SRBD1: variants seen among roughly 807,000 people sequenced by gnomAD.
SRBD1 encodes S1 RNA binding domain 1.
A neutral mutation model predicts 115.3 loss-of-function variants in SRBD1; 88 were observed. The ratio of observed to expected loss-of-function variants is 0.76; its 90% CI spans 0.64 to 0.91. SRBD1 has a LOEUF of 0.91. SRBD1 is among the 40% of genes least tolerant of loss of function. The pLI is 0.00. For synonymous variants in SRBD1, 509 were observed against 407.7 expected (o/e 1.25, Z -2.99); for missense variants, 1,385 against 1,177.4 (o/e 1.18, Z -2.58).
At chr2:45,569,955 T>C (rs1672958098) in intron 9 of SRBD1, among the ~76,000 whole-genome samples, 2 of 152,236 alleles carry the variant, frequency 1.3e-5, no homozygotes, top group South Asian at 2.1e-4. Flanking sequence ...TGTACACATA[T>C]ACCTTTCTTC....
chr2:45,573,381 T>C (rs1028391392), intron 8 of SRBD1, 39 bp from the exon 9 acceptor site: 1 of 1,580,070 alleles, frequency 6.3e-7, no homozygotes, highest in Non-Finnish European at 8.6e-7. Context: ...CAAGCAGTTA[T>C]TAATTTGTGC....
intron 14 of SRBD1, among the ~76,000 whole-genome samples, chr2:45,531,131 C>A (rs777505062): frequency 6.6e-6 from 1 of 151,784 alleles, no homozygotes; most frequent in Admixed American, 6.6e-5. Flanking sequence ...CAAATATCTG[C>A]TTTCCTTGAA....
At chr2:45,591,291 C>T (rs768044584) in intron 4 of SRBD1, among the ~76,000 whole-genome samples, 1 of 152,174 alleles carries the variant, frequency 6.6e-6, no homozygotes, top group African/African-American at 2.4e-5. Flanking sequence ...ACTGACTCAG[C>T]AGAAGAGGAC....
intron 2 of SRBD1, 96 bp downstream of exon 2, chr2:45,605,266 C>A (rs1300976478): frequency 1.6e-6 from 2 of 1,242,722 alleles, no homozygotes; most frequent in African/African-American, 1.5e-5. Flanking sequence ...TTTTTTCTAC[C>A]CACATCACTT....
rs1027926562 is a variant in SRBD1 at position 45,599,847 on chromosome 2, C to T, written c.262-12G>A. 1.9e-6 allele frequency: 3 copies of T among 1,595,136 alleles called. No individual in the cohort carries two copies. The highest frequency in any genetic ancestry group is 8.5e-7 in the Non-Finnish European group (1 of 1,173,084). On this transcript the variant is annotated splice_polypyrimidine_tract_variant and intron_variant, in intron 3 of 20. Transcript: ENST00000263736. The stretch of plus-strand genomic sequence containing the variant: ...GCCACAGAGCTATTCTATCAAACCA[C>T]AAAGAGAACATATGAGAATTAGAAG...
At chr2:45,500,663 G>A (rs543981966) in intron 14 of SRBD1, among the ~76,000 whole-genome samples, 169 of 152,148 alleles carry the variant, frequency 1.1e-3, no homozygotes, top group African/African-American at 3.8e-3. Context: ...CAATCCGCCC[G>A]TTTCGGCCTC....
chr2:45,488,344 A>G lies in SRBD1; in HGVS notation c.1875-13T>C. On this transcript the variant is annotated splice_polypyrimidine_tract_variant and intron_variant, in intron 14 of 20. Transcript: ENST00000263736. Reference sequence around the variant, plus strand: ...TTCACTGACGATACTGAGAAGACAGAAAAAGGGGAATATCACTTTCCTAAC... The same window carrying G: ...TTCACTGACGATACTGAGAAGACAGGAAAAGGGGAATATCACTTTCCTAAC... 1 of 1,608,424 alleles carries G rather than the reference A, an allele frequency of 6.2e-7. No individual in the cohort carries two copies. The highest frequency in any genetic ancestry group is 8.5e-7 in the Non-Finnish European group (1 of 1,175,490).
intron 16 of SRBD1, among the ~76,000 whole-genome samples, chr2:45,462,825 C>CA (rs1022008126): frequency 1.0e-4 from 15 of 147,448 alleles, no homozygotes; most frequent in Middle Eastern, 3.5e-3. Context: ...GACTGCATCT[C>CA]AAAAAAAAAA....
intron 14 of SRBD1, among the ~76,000 whole-genome samples, chr2:45,496,514 G>A (rs1201903617): frequency 2.0e-5 from 3 of 152,052 alleles, no homozygotes; most frequent in Non-Finnish European, 4.4e-5. Flanking sequence ...TAGAAGCAGC[G>A]ATATACTTTG....
chr2:45,557,847 A>C (rs1672530987), intron 10 of SRBD1, among the ~76,000 whole-genome samples: 1 of 152,228 alleles, frequency 6.6e-6, no homozygotes, highest in East Asian at 1.9e-4. Context: ...AATACATCTG[A>C]ATAAAACTAA....
chr2:45,456,242 A>T (rs1669149084), intron 16 of SRBD1, among the ~76,000 whole-genome samples: 2 of 151,896 alleles, frequency 1.3e-5, no homozygotes, highest in South Asian at 4.1e-4. Context: ...AAACAATTAG[A>T]AAACGGCAAT....
chr2:45,513,918 G>A (rs1209519172), intron 14 of SRBD1, among the ~76,000 whole-genome samples: 2 of 152,090 alleles, frequency 1.3e-5, no homozygotes, highest in East Asian at 3.8e-4. Flanking sequence ...TTAAAACAAT[G>A]GAGAGGTGGA....
At chr2:45,575,028 T>G (rs1314757200) in intron 7 of SRBD1, among the ~76,000 whole-genome samples, 1 of 152,182 alleles carries the variant, frequency 6.6e-6, no homozygotes, top group Non-Finnish European at 1.5e-5. Flanking sequence ...GCAACCTACT[T>G]GACTCCTCTG....
chr2:45,414,719 T>TACACACACAGTGTGTATATAGTATGTAC (rs1667733077), intron 18 of SRBD1, among the ~76,000 whole-genome samples: 3 of 81,522 alleles, frequency 3.7e-5, no homozygotes, highest in South Asian at 3.2e-4. Context: ...AGTATGTATA[T>TACACACACAGTGTGTATATAGTATGTAC]ACACACACAC....
intron 9 of SRBD1, among the ~76,000 whole-genome samples, chr2:45,568,868 A>G (rs1672918105): frequency 6.6e-6 from 1 of 152,274 alleles, no homozygotes; most frequent in Non-Finnish European, 1.5e-5. Context: ...ATTATGTTAT[A>G]CCTGTATCAG....
rs184118762 is a variant in SRBD1 at position 45,483,298 on chromosome 2, G to A, written c.1966+4942C>T. On this transcript the variant is annotated intron_variant, in intron 15 of 20. Transcript: ENST00000263736. Reference sequence around the variant, plus strand: ...TTAATATGGGATATTAATAGAAAAAGTTAAGCATTAGAGAAAAAAATTACA... The same window carrying A: ...TTAATATGGGATATTAATAGAAAAAATTAAGCATTAGAGAAAAAAATTACA... Among the ~76,000 whole-genome samples the A allele has an allele frequency of 4.1e-4, 63 of 152,162 alleles. No individual in the cohort carries two copies. In the East Asian group the frequency reaches 0.011, roughly 26 times the overall value.
At chr2:45,581,884 C>A in intron 5 of SRBD1, 74 bp from the exon 6 acceptor site, 1 of 1,227,586 alleles carries the variant, frequency 8.1e-7, no homozygotes, top group Non-Finnish European at 1.2e-6. Flanking sequence ...CTCAAACTTA[C>A]AGAAAAGTTG....
At chr2:45,530,131 G>T (rs1028756778) in intron 14 of SRBD1, among the ~76,000 whole-genome samples, 1 of 151,984 alleles carries the variant, frequency 6.6e-6, no homozygotes, top group Non-Finnish European at 1.5e-5. Flanking sequence ...AAAGAAAAAT[G>T]CTTCAAAAGG....
chr2:45,570,808 T>C (rs1415607624), intron 9 of SRBD1, among the ~76,000 whole-genome samples: 3 of 152,150 alleles, frequency 2.0e-5, no homozygotes, highest in Non-Finnish European at 4.4e-5. Context: ...TTTTGATGTC[T>C]GGTGTGTCCC....
Sources: gnomAD v4.1 joint callset for allele counts (sites outside exome capture counted in the v4.1 genomes callset) on GRCh38, gnomAD v4.1.1 for gene constraint, MANE v1.5 for transcripts, NCBI Gene and HGNC (gene_info 2026-07-23, HGNC 2026-07-21) for gene names.